The following PIK3C3 variants were observed in gnomAD, a reference collection of about 807,000 sequenced individuals.
The protein encoded by PIK3C3 is PI3-kinase type 3.
Under a neutral mutation model 126.1 loss-of-function variants are expected in PIK3C3, and 95 were observed. That is an observed-to-expected ratio of 0.75 (90% CI 0.64 to 0.89). The LOEUF is 0.89. PIK3C3 is among the 40% of genes least tolerant of loss of function. PIK3C3 has a pLI of 0.00. For missense variants in PIK3C3, 829 were observed against 1,063.2 expected (o/e 0.78, Z 3.06); for synonymous variants, 374 against 360.0 (o/e 1.04, Z -0.44).
intron 13 of PIK3C3, among the ~76,000 whole-genome samples, chr18:42,021,805 T>C (rs914753480): frequency 6.6e-6 from 1 of 152,172 alleles, no homozygotes; most frequent in Non-Finnish European, 1.5e-5. Flanking sequence ...AAATGCTCTT[T>C]GGAGCATTTC....
chr18:41,985,924 C>T (rs949040817), intron 4 of PIK3C3, among the ~76,000 whole-genome samples: 1 of 152,052 alleles, frequency 6.6e-6, no homozygotes, highest in Non-Finnish European at 1.5e-5. Context: ...AAAAAAGTTC[C>T]CACCACATTC....
At chr18:42,022,881 T>C (rs937833067) in intron 13 of PIK3C3, among the ~76,000 whole-genome samples, 3 of 152,192 alleles carry the variant, frequency 2.0e-5, no homozygotes, top group Non-Finnish European at 4.4e-5. Context: ...TGCCACCTTT[T>C]ACCTCTAATG....
chr18:42,021,578 T>C (rs1263003905), intron 13 of PIK3C3, among the ~76,000 whole-genome samples: 1 of 152,166 alleles, frequency 6.6e-6, no homozygotes, highest in Non-Finnish European at 1.5e-5. Flanking sequence ...TAAAACTACT[T>C]ATATCACTTT....
intron 22 of PIK3C3, among the ~76,000 whole-genome samples, chr18:42,064,408 A>G (rs1200159177): frequency 6.6e-6 from 1 of 152,196 alleles, no homozygotes; most frequent in Non-Finnish European, 1.5e-5. Context: ...TTGTTATAAA[A>G]TGTGAATTGC....
Position 42,064,802 on chromosome 18 carries a change from C to A in PIK3C3, c.2495C>A (p.Ala832Glu). ...GTTGATGCAAACATTCCAGATATTG[C>A]ACTTGAACCAGATAAAACTGTGAAA... is the stretch of plus-strand genomic sequence containing the variant. Reference protein sequence around the residue: ...LMVDANIPDIALEPDKTVKKV... With the variant: ...LMVDANIPDIELEPDKTVKKV... Residue 832 changes from alanine (A) to glutamate (E), a missense_variant, in exon 23 of 25, where the codon GCA (alanine) becomes GAA (glutamate). Ala to Glu is a moderately radical substitution (Grantham distance 107). Coordinates refer to ENST00000262039, the MANE Select transcript of PIK3C3 (RefSeq NM_002647.4). 1 of 1,597,002 alleles carries A rather than the reference C, an allele frequency of 6.3e-7. No individual in the cohort carries two copies. The highest frequency in any genetic ancestry group is 8.6e-7 in the Non-Finnish European group (1 of 1,164,794).
rs150047598 is a variant in PIK3C3, at chr18:42,020,638, C to T, written c.1417C>T (p.Gln473Ter). The change falls in exon 13 of 25, where the codon CAA becomes TAA. Residue 473 changes from glutamine (Q) to a stop codon, truncating the protein, a stop_gained and splice_region_variant. Transcript: ENST00000262039. LOFTEE classifies it high-confidence loss of function. Reference protein sequence around the residue: ...KEVPDGENLEQDLCTFLISRA... With the variant: ...KEVPDGENLE ...AATACATTTCTTTTAATTCTTTCAGCAAGATCTCTGTACCTTCTTGATATC... is the reference window on the plus strand; with the variant it reads ...AATACATTTCTTTTAATTCTTTCAGTAAGATCTCTGTACCTTCTTGATATC... The T allele has an allele frequency of 2.5e-6, 4 of 1,590,768 alleles. No homozygotes were observed. The highest frequency in any genetic ancestry group is 3.4e-6 in the Non-Finnish European group (4 of 1,162,270).
chr18:42,042,022 TC>T (rs1435764228), intron 19 of PIK3C3, among the ~76,000 whole-genome samples: 1 of 152,216 alleles, frequency 6.6e-6, no homozygotes, highest in East Asian at 1.9e-4. Context: ...TCCCTTTGCT[TC>T]CTAATTGATA....
chr18:42,043,708 A>G (rs1362793768), intron 19 of PIK3C3, 25 bp from the exon 20 acceptor site: 3 of 1,500,084 alleles, frequency 2.0e-6, no homozygotes, highest in Non-Finnish European at 2.8e-6. Flanking sequence ...CTTAATTCTA[A>G]AACATGTAAA....
chr18:42,080,412 A>G (rs945124652), intron 24 of PIK3C3, among the ~76,000 whole-genome samples: 1 of 151,970 alleles, frequency 6.6e-6, no homozygotes, highest in Admixed American at 6.6e-5. Context: ...TTTTGCCTTC[A>G]CTTTTTCTCT....
rs1466490817 is a variant in PIK3C3, at chr18:42,081,114, T to C, written c.2650-9T>C. ...TTATTTTCTGTTTATTTCTTTTTAA[T>C]TTTTGTAGTACTGGAGAAAATGAAA... On this transcript the variant is annotated splice_polypyrimidine_tract_variant and intron_variant, in intron 24 of 24. Transcript: ENST00000262039. 1.3e-6 allele frequency: 2 copies of C among 1,514,232 alleles called. No individual in the cohort carries two copies. Among genetic ancestry groups the C allele is most frequent in the African/African-American group, 2.8e-5 (2 of 72,510 alleles). 93.8% of individuals were successfully genotyped at this position (1,514,232 alleles called of 1,614,324 possible). A position where few individuals can be genotyped will look rare whatever the true frequency, so the allele number is the denominator to read the frequency against.
At chr18:42,036,230 C>G (rs1162481385) in intron 16 of PIK3C3, among the ~76,000 whole-genome samples, 1 of 151,948 alleles carries the variant, frequency 6.6e-6, no homozygotes, top group Non-Finnish European at 1.5e-5. Context: ...TTGTTTTCCC[C>G]CAGCATTTTA....
intron 17 of PIK3C3, 116 bp from the exon 18 acceptor site, chr18:42,038,665 A>C: frequency 1.5e-6 from 1 of 666,448 alleles, no homozygotes; most frequent in Non-Finnish European, 2.6e-6. Flanking sequence ...ATTTAAACTT[A>C]ATTTAGCTTA....
At chr18:42,038,214 C>T (rs1984144713) in intron 17 of PIK3C3, among the ~76,000 whole-genome samples, 1 of 152,040 alleles carries the variant, frequency 6.6e-6, no homozygotes, top group Admixed American at 6.6e-5. Context: ...CCAGAAAGGA[C>T]TGCATGAAGT....
At chr18:41,963,017 A>G (rs1240942827) in intron 3 of PIK3C3, among the ~76,000 whole-genome samples, 1 of 152,182 alleles carries the variant, frequency 6.6e-6, no homozygotes, top group Non-Finnish European at 1.5e-5. Context: ...TTCATTAGCT[A>G]ATGATGGTAA....
At position 42,038,856 on chromosome 18, in the gene PIK3C3, T is replaced by G. The variant is rs754765003; in HGVS notation, c.2038+6T>G. 2.6e-6 allele frequency: 4 copies of G among 1,533,556 alleles called. No homozygotes were observed. The highest frequency in any genetic ancestry group is 1.8e-6 in the Non-Finnish European group (2 of 1,113,682). 95.0% of individuals were successfully genotyped at this position (1,533,556 alleles called of 1,614,324 possible). A position where few individuals can be genotyped will look rare whatever the true frequency, so the allele number is the denominator to read the frequency against. ...AGCCACCAGTACAAAACATGGTAAGTGTATTTTACATCATTATTATTTACT... is the reference window on the plus strand; with the variant it reads ...AGCCACCAGTACAAAACATGGTAAGGGTATTTTACATCATTATTATTTACT... On this transcript the variant is annotated splice_donor_region_variant and intron_variant, in intron 18 of 24. Transcript: ENST00000262039.
chr18:41,990,743 C>A, intron 6 of PIK3C3, 189 bp downstream of exon 6: 1 of 508,242 alleles, frequency 2.0e-6, no homozygotes, highest in Non-Finnish European at 3.5e-6. Context: ...GCCTATCACT[C>A]ATGTAATGCA....
Position 41,970,465 on chromosome 18 carries a change from A to AT in PIK3C3, c.531+9_531+10insT. ...TGAGCCGTCTTGCCAAGGTAAAAAAAGTCATTTGGAACAGGTGCAAAGCTC... is the reference window on the plus strand; with the variant it reads ...TGAGCCGTCTTGCCAAGGTAAAAAAATGTCATTTGGAACAGGTGCAAAGCTC... On this transcript the variant is annotated intron_variant, in intron 4 of 24. Coordinates refer to ENST00000262039, the MANE Select transcript of PIK3C3 (RefSeq NM_002647.4). The AT allele has an allele frequency of 6.2e-7, 1 of 1,613,262 alleles. No homozygotes were observed. Among genetic ancestry groups the AT allele is most frequent in the Non-Finnish European group, 8.5e-7 (1 of 1,179,556 alleles).
chr18:42,067,268 C>A, intron 23 of PIK3C3, 120 bp from the exon 24 acceptor site: 1 of 857,392 alleles, frequency 1.2e-6, no homozygotes, highest in Non-Finnish European at 1.8e-6. Context: ...AGTTACAGGT[C>A]ATTTATTTGC....
At chr18:42,071,502 A>G (rs1195487480) in intron 24 of PIK3C3, among the ~76,000 whole-genome samples, 3 of 152,102 alleles carry the variant, frequency 2.0e-5, no homozygotes, top group East Asian at 1.9e-4. Context: ...GGCGAATCAC[A>G]TGAGGTCAGG....
Sources: gnomAD v4.1 joint callset for allele counts (sites outside exome capture counted in the v4.1 genomes callset) on GRCh38, gnomAD v4.1.1 for gene constraint, MANE v1.5 for transcripts, NCBI Gene and HGNC (gene_info 2026-07-23, HGNC 2026-07-21) for gene names.